The following ADGRG5 variants were observed in gnomAD, a reference collection of about 807,000 sequenced individuals.
The protein encoded by ADGRG5 is G protein-coupled receptor 114.
In ADGRG5, 37 loss-of-function variants were observed where a neutral mutation model predicts 53.2. The observed-to-expected ratio is 0.70, with a 90% CI of 0.53 to 0.91. ADGRG5 has a LOEUF of 0.91. Among genes scored for constraint, ADGRG5 ranks in the 40% least tolerant of loss-of-function variants. The pLI, the probability that ADGRG5 is intolerant of heterozygous loss-of-function variation, is 0.00. For synonymous variants in ADGRG5, 277 were observed against 290.4 expected, an observed-to-expected ratio of 0.95 and a Z score of 0.47; for missense variants, 614 against 675.8, an observed-to-expected ratio of 0.91 and a Z score of 1.01.
chr16:57,570,468 T>C lies in ADGRG5; in HGVS notation c.1141T>C (p.Tyr381His). ...TTCCCTCTCTGTCAAGAGCTCGGTA[T>C]ACGGACCCTGCACAATCCCCGTCTT... The part of the protein sequence containing the change: ...LLSLSVKSSV[Y>H]GPCTIPVFDS... Residue 381 changes from tyrosine to histidine, a missense_variant, in exon 10 of 12, where the codon TAC (tyrosine) becomes CAC (histidine). Physicochemically the swap from Tyr to His is moderately conservative, Grantham distance 83. Coordinates refer to ENST00000349457, the MANE Select transcript of ADGRG5 (RefSeq NM_001304376.3). The C allele has an allele frequency of 6.2e-7, 1 of 1,613,596 alleles. No individual in the cohort carries two copies. The highest frequency in any genetic ancestry group is 8.5e-7 in the Non-Finnish European group (1 of 1,179,978).
At chr16:57,563,022 T>G in intron 3 of ADGRG5, 69 bp from the exon 4 acceptor site, 4 of 1,558,624 alleles carry the variant, frequency 2.6e-6, no homozygotes, top group African/African-American at 1.4e-5. Flanking sequence ...TCCCAGGCTG[T>G]CTACAGCCCC....
chr16:57,569,676 C>T (rs2033286343), intron 9 of ADGRG5, among the ~76,000 whole-genome samples: 1 of 151,796 alleles, frequency 6.6e-6, no homozygotes, highest in African/African-American at 2.4e-5. Flanking sequence ...TCTCCTCCAC[C>T]TCTGTCACCA....
At chr16:57,536,829 G>C in the ADGRG5 span, among the ~76,000 whole-genome samples, 4 of 151,998 alleles carry the variant, frequency 2.6e-5, no homozygotes, top group Non-Finnish European at 5.9e-5. Flanking sequence ...CGAGAGTTGC[G>C]GGGGGGCTCG....
rs556665078 is a variant in ADGRG5 at position 57,568,021 on chromosome 16, C to T, written c.987C>T (p.Leu329=). The T allele has an allele frequency of 1.2e-6, 2 of 1,614,090 alleles. No homozygotes were observed. The highest frequency in any genetic ancestry group is 1.7e-6 in the Non-Finnish European group (2 of 1,179,956). ...AALHYALLSC[L]TWMAIEGFNL... is the part of the protein sequence containing the mutation. ...TGCACTACGCGCTGCTCAGCTGCCT[C>T]ACCTGGATGGCCATCGAGGGCTTCA... Residue 329 remains leucine (L), a synonymous_variant, in exon 9 of 12, where the codon CTC becomes CTT. Coordinates refer to ENST00000349457, the MANE Select transcript of ADGRG5 (RefSeq NM_001304376.3).
intron 9 of ADGRG5, among the ~76,000 whole-genome samples, chr16:57,569,056 G>C (rs550195763): frequency 1.2e-5 from 1 of 86,790 alleles, no homozygotes; most frequent in Non-Finnish European, 2.3e-5. Context: ...CTCCGTTATC[G>C]CCATCACCTC....
intron 1 of ADGRG5, among the ~76,000 whole-genome samples, chr16:57,544,007 A>G (rs118015149): frequency 6.6e-6 from 1 of 152,172 alleles, no homozygotes; most frequent in South Asian, 2.1e-4. Flanking sequence ...GCAACTGGTT[A>G]TCAAATTCTC....
intron 1 of ADGRG5, chr16:57,543,010 C>T (rs2032524079): frequency 6.6e-6 from 1 of 152,326 alleles, no homozygotes; most frequent in Non-Finnish European, 1.5e-5. Flanking sequence ...TTCTGGACCT[C>T]AGTTTCTCAT....
At chr16:57,573,444 AAAAG>A (rs1204571750) in intron 10 of ADGRG5, among the ~76,000 whole-genome samples, 65 of 151,884 alleles carry the variant, frequency 4.3e-4, no homozygotes, top group African/African-American at 1.5e-3. Context: ...AAAAAAAAAA[AAAAG>A]GAAAGAGTGA....
At chr16:57,543,755 T>C (rs2146745874) in intron 1 of ADGRG5, among the ~76,000 whole-genome samples, 1 of 152,158 alleles carries the variant, frequency 6.6e-6, no homozygotes, top group South Asian at 2.1e-4. Flanking sequence ...CATGGTCAGC[T>C]GTAGGGAGGA....
intron 10 of ADGRG5, among the ~76,000 whole-genome samples, chr16:57,573,868 C>A (rs1345842584): frequency 2.0e-5 from 3 of 152,116 alleles, no homozygotes; most frequent in East Asian, 3.9e-4. Context: ...ATTACAGGCA[C>A]CTGCCACCAC....
At chr16:57,531,373 T>C in the ADGRG5 span, among the ~76,000 whole-genome samples, 3 of 151,986 alleles carry the variant, frequency 2.0e-5, no homozygotes, top group African/African-American at 7.2e-5. Flanking sequence ...CCGCCAAACC[T>C]TGTCAGTCTA....
the ADGRG5 span, among the ~76,000 whole-genome samples, chr16:57,533,965 C>T: frequency 2.6e-5 from 4 of 152,202 alleles, no homozygotes; most frequent in Admixed American, 1.3e-4. Flanking sequence ...ACGGTGGGAC[C>T]GGCCACCACA....
chr16:57,563,929 A>G lies in ADGRG5; in HGVS notation c.379A>G (p.Arg127Gly). 1 of 1,614,104 alleles carries G rather than the reference A, an allele frequency of 6.2e-7. No individual in the cohort carries two copies. Among genetic ancestry groups the G allele is most frequent in the Non-Finnish European group, 8.5e-7 (1 of 1,179,966 alleles). ...LTRDACKTRP[R>G]ELRLICIYFS... ...CCGGGACGCCTGCAAGACCCGCCCC[A>G]GGGAGCTGCGGCTCATCTGTATCTA... Residue 127 changes from arginine to glycine, a missense_variant, in exon 5 of 12, where the codon AGG becomes GGG. By Grantham distance (125) the Arg-to-Gly change is moderately radical. Coordinates refer to ENST00000349457, the MANE Select transcript of ADGRG5 (RefSeq NM_001304376.3).
chr16:57,532,690 G>C, the ADGRG5 span, among the ~76,000 whole-genome samples: 1 of 127,490 alleles, frequency 7.8e-6, no homozygotes, highest in Non-Finnish European at 1.6e-5. Context: ...TCATCCCCAA[G>C]TGAAGCAGAC....
chr16:57,546,391 G>T (rs138635089), intron 1 of ADGRG5, among the ~76,000 whole-genome samples: 18 of 152,308 alleles, frequency 1.2e-4, no homozygotes, highest in African/African-American at 3.8e-4. Context: ...CTACCAAAGC[G>T]CTGAGATTAC....
intron 1 of ADGRG5, among the ~76,000 whole-genome samples, chr16:57,549,818 A>T (rs560278995): frequency 6.6e-6 from 1 of 152,334 alleles, no homozygotes; most frequent in African/African-American, 2.4e-5. Context: ...TCCAGAAATG[A>T]ATGAGGCTTC....
chr16:57,532,235 T>G, the ADGRG5 span, among the ~76,000 whole-genome samples: 1 of 152,146 alleles, frequency 6.6e-6, no homozygotes, highest in East Asian at 1.9e-4. Flanking sequence ...ATTTTAATAG[T>G]CTGGGATATT....
intron 5 of ADGRG5, 23 bp from the exon 6 acceptor site, chr16:57,565,011 C>A (rs746518515): frequency 2.7e-6 from 4 of 1,468,136 alleles, no homozygotes; most frequent in South Asian, 2.3e-5. Flanking sequence ...CTCCACTCAG[C>A]CCTTCTCCTG....
rs1397846044 is a variant in ADGRG5 at position 57,567,716 on chromosome 16, C to A, written c.821+125C>A. 22 of 1,430,970 alleles carry A rather than the reference C, an allele frequency of 1.5e-5. No individual in the cohort carries two copies. The East Asian group carries it at 5.2e-4, about 34-fold the overall frequency. The allele number at this position is 1,430,970 out of a possible 1,614,324, so 88.6% of individuals were successfully genotyped here. ...GGGTGGGGACCAGGAGGCGGGAGAC[C>A]AGCCTTGTGGTGCGACTGCTGTGGG... is the stretch of plus-strand genomic sequence containing the variant. On this transcript the variant is annotated intron_variant, in intron 8 of 11. Coordinates refer to ENST00000349457, the MANE Select transcript of ADGRG5 (RefSeq NM_001304376.3).
Sources: gnomAD v4.1 joint callset for allele counts (sites outside exome capture counted in the v4.1 genomes callset) on GRCh38, gnomAD v4.1.1 for gene constraint, MANE v1.5 for transcripts, NCBI Gene and HGNC (gene_info 2026-07-23, HGNC 2026-07-21) for gene names.